The following ZNF257 variants were observed in gnomAD, a reference collection of about 807,000 sequenced individuals.
The protein encoded by ZNF257 is bone marrow zinc finger 4.
Under a neutral mutation model 11.9 loss-of-function variants are expected in ZNF257, and 12 were observed. The ratio of observed to expected loss-of-function variants is 1.01; its 90% CI spans 0.65 to 1.63. The LOEUF (loss-of-function observed/expected upper bound fraction) is 1.63, where lower values mean the gene tolerates loss of function less well. Ranked by LOEUF, ZNF257 falls within the 40% of genes most tolerant of loss-of-function variation. The pLI is 0.00. For synonymous variants in ZNF257, 183 were observed against 222.7 expected, an observed-to-expected ratio of 0.82 and a Z score of 1.59; for missense variants, 580 against 665.5, an observed-to-expected ratio of 0.87 and a Z score of 1.41.
chr19:22,074,919 C>A (rs1048456347), intron 3 of ZNF257, among the ~76,000 whole-genome samples: 1 of 151,930 alleles, frequency 6.6e-6, no homozygotes, highest in African/African-American at 2.4e-5. Context: ...CTGCCATATA[C>A]TTCAGTGCTA....
intron 2 of ZNF257, 98 bp from the exon 3 acceptor site, chr19:22,073,371 A>G (rs941825376): frequency 2.4e-5 from 31 of 1,312,034 alleles, no homozygotes; most frequent in Middle Eastern, 1.9e-4. Flanking sequence ...GCATAAATGT[A>G]TTAGAATATT....
At chr19:22,053,161 G>A (rs956707655) in intron 1 of ZNF257, among the ~76,000 whole-genome samples, 5 of 152,026 alleles carry the variant, frequency 3.3e-5, no homozygotes, top group Non-Finnish European at 7.4e-5. Context: ...ACGAGGTCAG[G>A]AGATTGAGAC....
chr19:22,056,396 A>T (rs2145683289), intron 1 of ZNF257, among the ~76,000 whole-genome samples: 1 of 152,124 alleles, frequency 6.6e-6, no homozygotes, highest in Non-Finnish European at 1.5e-5. Flanking sequence ...CTGCCTCAGC[A>T]TCTCAAAGGT....
intron 1 of ZNF257, among the ~76,000 whole-genome samples, chr19:22,068,702 A>G (rs1427660359): frequency 6.6e-6 from 1 of 152,180 alleles, no homozygotes; most frequent in Non-Finnish European, 1.5e-5. Flanking sequence ...AAGTATCCAG[A>G]GCCATGACTG....
intron 1 of ZNF257, among the ~76,000 whole-genome samples, chr19:22,058,107 G>T (rs755491919): frequency 6.3e-5 from 9 of 143,370 alleles, no homozygotes; most frequent in Non-Finnish European, 1.0e-4. Flanking sequence ...AATGTGCAGA[G>T]TCTGTGTCTG....
intron 1 of ZNF257, among the ~76,000 whole-genome samples, chr19:22,065,498 C>T (rs889986520): frequency 2.0e-5 from 3 of 151,914 alleles, no homozygotes; most frequent in Non-Finnish European, 2.9e-5. Context: ...TGGTGCCCAG[C>T]GATTACAGAC....
intron 3 of ZNF257, among the ~76,000 whole-genome samples, chr19:22,077,300 C>CA (rs1442834463): frequency 6.6e-6 from 1 of 152,020 alleles, no homozygotes; most frequent in Admixed American, 6.6e-5. Context: ...GCTTGGGTGA[C>CA]AGAGTAAGAT....
rs753874579 is a variant in ZNF257 at position 22,089,478 on chromosome 19, A to G, written c.*36A>G. ...CCCTACAAATGTGAAGAATGTGTCA[A>G]AGCTTTTAACTGTTCCTCAATCCTT... On this transcript the variant is annotated 3_prime_UTR_variant, in exon 4 of 4. Coordinates refer to ENST00000594947, the MANE Select transcript of ZNF257 (RefSeq NM_033468.4). 3.8e-6 allele frequency: 6 copies of G among 1,580,742 alleles called. 1 individual carries two copies. In the South Asian group the frequency reaches 6.9e-5, roughly 18 times the overall value.
intron 3 of ZNF257, among the ~76,000 whole-genome samples, chr19:22,081,735 G>A (rs1186167531): frequency 1.3e-5 from 2 of 151,932 alleles, no homozygotes; most frequent in African/African-American, 4.8e-5. Flanking sequence ...TTGCCGTGTT[G>A]CCCACTCTGG....
chr19:22,073,558 C>T lies in ZNF257; in HGVS notation c.220C>T (p.Pro74Ser), dbSNP rs761797581. ...NMKRHEMVAKPPVMCSHIAED... is the reference protein window; with the variant it reads ...NMKRHEMVAKSPVMCSHIAED... ...GAAGAGACATGAGATGGTAGCCAAA[C>T]CCCCAGGTAGGTGAGAGTGAAAGCC... Residue 74 changes from proline to serine, a missense_variant, in exon 3 of 4, where the codon CCC becomes TCC. Pro to Ser is a moderately conservative substitution (Grantham distance 74, BLOSUM62 -1). Transcript: ENST00000594947. The T allele has an allele frequency of 5.6e-6, 9 of 1,610,088 alleles. No homozygotes were observed. The African/African-American group carries it at 9.4e-5, about 17-fold the overall frequency.
intron 3 of ZNF257, among the ~76,000 whole-genome samples, chr19:22,073,821 G>A (rs561176122): frequency 6.6e-6 from 1 of 152,028 alleles, no homozygotes; most frequent in South Asian, 2.1e-4. Context: ...AAGTCCTCAT[G>A]GCATATAAGA....
chr19:22,071,887 A>G (rs1382488649), intron 1 of ZNF257, among the ~76,000 whole-genome samples: 4 of 152,280 alleles, frequency 2.6e-5, no homozygotes, highest in African/African-American at 9.6e-5. Context: ...GAGCAGGATT[A>G]AGGAAGTGTT....
intron 1 of ZNF257, among the ~76,000 whole-genome samples, chr19:22,059,805 C>T (rs1344541266): frequency 6.6e-6 from 1 of 151,848 alleles, no homozygotes; most frequent in African/African-American, 2.4e-5. Context: ...TCAATGAAGC[C>T]TCAATCTCCT....
At chr19:22,084,523 T>C (rs2145716958) in intron 3 of ZNF257, among the ~76,000 whole-genome samples, 1 of 152,218 alleles carries the variant, frequency 6.6e-6, no homozygotes. Context: ...TTTTCAAAAG[T>C]GCAATGAGAA....
At chr19:22,052,737 A>G (rs1461054855) in intron 1 of ZNF257, 102 bp downstream of exon 1, 4 of 1,405,744 alleles carry the variant, frequency 2.8e-6, no homozygotes, top group African/African-American at 1.4e-5. Context: ...AGTCAGCCCT[A>G]CCATCTGCGC....
intron 1 of ZNF257, among the ~76,000 whole-genome samples, chr19:22,054,709 C>T (rs2021578890): frequency 6.6e-6 from 1 of 152,090 alleles, no homozygotes; most frequent in Non-Finnish European, 1.5e-5. Flanking sequence ...TTTTGTTCCT[C>T]TTTGCTTTTA....
At position 22,076,731 on chromosome 19, in the gene ZNF257, C is replaced by A. The variant is rs192219224; in HGVS notation, c.226+3167C>A. ...TGAGACGGAGTCTCGCTCTGTCACCCAGGCTGGAGTGCAGTGGCATGATTT... is the reference window on the plus strand; with the variant it reads ...TGAGACGGAGTCTCGCTCTGTCACCAAGGCTGGAGTGCAGTGGCATGATTT... On this transcript the variant is annotated intron_variant, in intron 3 of 3. Coordinates refer to ENST00000594947, the MANE Select transcript of ZNF257 (RefSeq NM_033468.4). 7.6e-4 allele frequency among the ~76,000 whole-genome samples: 115 copies of A among 152,260 alleles called. 2 individuals carry two copies. The highest frequency in any genetic ancestry group is 2.6e-3 in the African/African-American group (109 of 41,532).
intron 1 of ZNF257, among the ~76,000 whole-genome samples, chr19:22,062,409 C>A (rs1377230616): frequency 1.3e-5 from 2 of 151,574 alleles, no homozygotes; most frequent in Non-Finnish European, 2.9e-5. Flanking sequence ...CAGGTGTGAG[C>A]CACTGCGCCC....
chr19:22,061,605 C>G (rs952479700), intron 1 of ZNF257, among the ~76,000 whole-genome samples: 1 of 148,596 alleles, frequency 6.7e-6, no homozygotes, highest in Admixed American at 6.6e-5. Flanking sequence ...GACAACCTCT[C>G]TTCCCATTTG....
Sources: allele counts gnomAD v4.1 joint callset (sites outside exome capture counted in the v4.1 genomes callset), GRCh38; gene constraint gnomAD v4.1.1; transcripts MANE v1.5; gene names NCBI Gene and HGNC (gene_info 2026-07-23, HGNC 2026-07-21).